The following UTRN variants were observed in gnomAD, a reference collection of about 807,000 sequenced individuals.
The protein encoded by UTRN is utrophin, also known as dystrophin-related protein 1.
UTRN carries 283 observed loss-of-function variants against 463.9 expected under a neutral mutation model. The observed-to-expected ratio is 0.61, with a 90% CI of 0.55 to 0.67. The LOEUF (loss-of-function observed/expected upper bound fraction) is 0.67, where lower values mean the gene tolerates loss of function less well. Ranked by LOEUF, UTRN falls within the 30% of genes least tolerant of loss-of-function variation. UTRN has a pLI of 0.00. For synonymous variants in UTRN, 1,442 were observed against 1,431.5 expected (o/e 1.01, Z -0.17); for missense variants, 3,922 against 4,084.3 (o/e 0.96, Z 1.08).
At chr6:144,512,999 A>G (rs915800553) in intron 35 of UTRN, among the ~76,000 whole-genome samples, 1 of 152,112 alleles carries the variant, frequency 6.6e-6, no homozygotes, top group Non-Finnish European at 1.5e-5. Context: ...TTTTGGTCAC[A>G]CTCTAACTTC....
rs867327370 is a variant in UTRN, at chr6:144,522,149, C to T, written c.5711C>T (p.Ser1904Phe). The T allele has an allele frequency of 1.9e-6, 3 of 1,540,296 alleles. No homozygotes were observed. The highest frequency in any genetic ancestry group is 1.7e-6 in the Non-Finnish European group (2 of 1,144,234). The change falls in exon 40 of 75, where the codon TCT becomes TTT. Residue 1904 changes from serine to phenylalanine, a missense_variant. By Grantham distance (155) the Ser-to-Phe change is radical. Transcript: ENST00000367545. The stretch of plus-strand genomic sequence containing the variant: ...AACACTGCTATTTACGAAGACTTCT[C>T]TTTTCAGGAAGACTCTCTGAAGGTA... ...ELNTAIYEDF[S>F]FQEDSLKNIK... is the part of the protein sequence containing the mutation.
At chr6:144,556,829 G>A (rs896703782) in intron 49 of UTRN, among the ~76,000 whole-genome samples, 3 of 152,196 alleles carry the variant, frequency 2.0e-5, no homozygotes, top group Non-Finnish European at 4.4e-5. Context: ...CCTTTATGAC[G>A]CATGTCCGTG....
intron 51 of UTRN, among the ~76,000 whole-genome samples, chr6:144,589,785 G>C (rs1485915028): frequency 6.6e-6 from 1 of 151,996 alleles, no homozygotes; most frequent in Non-Finnish European, 1.5e-5. Flanking sequence ...GAAATCATCT[G>C]ATTCAACCAT....
At chr6:144,508,361 C>A (rs1309780172) in intron 34 of UTRN, among the ~76,000 whole-genome samples, 1 of 152,148 alleles carries the variant, frequency 6.6e-6, no homozygotes, top group Non-Finnish European at 1.5e-5. Context: ...GTGCTTGAAA[C>A]CCAGGGCCCT....
At position 144,285,391 on chromosome 6, in the gene UTRN, C is replaced by T. The variant is rs896864950; in HGVS notation, c.-523C>T. 6.6e-6 allele frequency among the ~76,000 whole-genome samples: 1 copy of T among 152,136 alleles called. No homozygotes were observed. The highest frequency in any genetic ancestry group is 1.5e-5 in the Non-Finnish European group (1 of 67,996). ...GCAGCCGGCCGCGGGCTTTCTCCCG[C>T]CGAGGGGCGAGGAGGAGCCTCTGGC... On this transcript the variant is annotated 5_prime_UTR_variant, in exon 1 of 75. Transcript: ENST00000367545.
At chr6:144,822,695 A>T (rs969974320) in intron 66 of UTRN, among the ~76,000 whole-genome samples, 1 of 152,118 alleles carries the variant, frequency 6.6e-6, no homozygotes, top group East Asian at 1.9e-4. Context: ...AGGTTGTGTG[A>T]TAATAGATTC....
chr6:144,835,647 C>A, intron 69 of UTRN, 133 bp from the exon 70 acceptor site: 1 of 1,135,264 alleles, frequency 8.8e-7, no homozygotes, highest in Non-Finnish European at 1.3e-6. Context: ...AAAGGGAGGT[C>A]ATGGAGACAC....
At chr6:144,529,438 G>C (rs958021559) in intron 41 of UTRN, among the ~76,000 whole-genome samples, 2 of 152,190 alleles carry the variant, frequency 1.3e-5, no homozygotes, top group Non-Finnish European at 2.9e-5. Flanking sequence ...CTGAGTGGGA[G>C]CTGCAAGTTA....
Position 144,537,711 on chromosome 6 carries a change from AT to A in UTRN, c.6365del (p.Leu2122Ter), listed in dbSNP as rs1332937155. 1 of 1,609,846 alleles carries A rather than the reference AT, an allele frequency of 6.2e-7. No homozygotes were observed. The highest frequency in any genetic ancestry group is 1.3e-5 in the African/African-American group (1 of 74,624). On this transcript the variant is annotated frameshift_variant, in exon 44 of 75. Transcript: ENST00000367545. LOFTEE classifies it high-confidence loss of function. The stretch of plus-strand genomic sequence containing the variant: ...CCGAATTGGGAGAAAACCTGCAAGA[AT>A]TAAGAGTAAGTTGTTTATTTCTGTC... ...TTELGENLQE[L>X]RDLTQEMEVH...
intron 51 of UTRN, among the ~76,000 whole-genome samples, chr6:144,649,762 AT>A (rs1391552404): frequency 1.3e-5 from 2 of 152,104 alleles, no homozygotes; most frequent in Admixed American, 6.6e-5. Context: ...TGTCATATTT[AT>A]TTTTTATTTT....
Position 144,459,348 on chromosome 6 carries a change from G to C in UTRN, c.2701G>C (p.Glu901Gln), listed in dbSNP as rs751021765. The C allele has an allele frequency of 5.0e-6, 8 of 1,592,310 alleles. No homozygotes were observed. In the South Asian group the frequency reaches 5.7e-5, roughly 11 times the overall value. Residue 901 changes from glutamate (E) to glutamine (Q), a missense_variant, in exon 21 of 75, where the codon GAG (glutamate) becomes CAG (glutamine). By Grantham distance (29) the Glu-to-Gln change is conservative. Transcript: ENST00000367545. Reference sequence around the variant, plus strand: ...TGTAGAGGATCGTCAACAACATCTAGAGAATGGTAAACCCAACAATTTTAA... The same window carrying C: ...TGTAGAGGATCGTCAACAACATCTACAGAATGGTAAACCCAACAATTTTAA... ...EAVEDRQQHL[E>Q]NELKGQPGHA... is the part of the protein sequence containing the mutation.
chr6:144,595,206 A>G (rs1000145844), intron 51 of UTRN, among the ~76,000 whole-genome samples: 3 of 152,238 alleles, frequency 2.0e-5, no homozygotes, highest in African/African-American at 7.2e-5. Flanking sequence ...TACATTCCAC[A>G]TATTTTAGAA....
chr6:144,324,662 A>G (rs1775866240), intron 2 of UTRN, among the ~76,000 whole-genome samples: 1 of 152,240 alleles, frequency 6.6e-6, no homozygotes, highest in African/African-American at 2.4e-5. Context: ...CTGTGTATAA[A>G]TTAAAGAGAG....
chr6:144,421,949 A>G lies in UTRN; in HGVS notation c.213A>G (p.Glu71=). The G allele has an allele frequency of 2.5e-6, 4 of 1,612,672 alleles. No individual in the cohort carries two copies. The highest frequency in any genetic ancestry group is 2.5e-6 in the Non-Finnish European group (3 of 1,179,306). Residue 71 remains glutamate, a synonymous_variant, in exon 4 of 75, where the codon GAA becomes GAG. Coordinates refer to ENST00000367545, the MANE Select transcript of UTRN (RefSeq NM_007124.3). ...GAAGGAAGCTATTGGATCTTCTAGA[A>G]GGCCTCACAGGAACATCACTGGTGA... The part of the protein sequence containing the change: ...KDGRKLLDLL[E]GLTGTSLPKE...
rs77673025 is a variant in UTRN, at chr6:144,791,822, T to G, written c.8921-2012T>G. Among the ~76,000 whole-genome samples, 674 of 152,304 alleles carry G rather than the reference T, an allele frequency of 4.4e-3. 23 individuals carry two copies. In the East Asian group the frequency reaches 0.096, roughly 22 times the overall value. On this transcript the variant is annotated intron_variant, in intron 62 of 74. Transcript: ENST00000367545. ...TTGTCCTTATGTTTTGTGAGTAGTT[T>G]TACTTTAATAGTGGCATAGTGGTAT...
At chr6:144,703,657 A>C (rs998208539) in intron 53 of UTRN, among the ~76,000 whole-genome samples, 2 of 152,210 alleles carry the variant, frequency 1.3e-5, no homozygotes, top group African/African-American at 2.4e-5. Flanking sequence ...CAAGGATCAA[A>C]TATTGCTGAG....
chr6:144,766,983 G>A (rs1793431196), intron 58 of UTRN, among the ~76,000 whole-genome samples: 1 of 152,078 alleles, frequency 6.6e-6, no homozygotes. Context: ...GGCAGTTGGA[G>A]GGAAGTTTCC....
At chr6:144,315,748 C>T (rs2114569720) in intron 2 of UTRN, among the ~76,000 whole-genome samples, 1 of 152,272 alleles carries the variant, frequency 6.6e-6, no homozygotes, top group East Asian at 1.9e-4. Context: ...TGGCCTCGTG[C>T]CTTTATGCAG....
chr6:144,754,604 A>T (rs1791780846), intron 56 of UTRN, 116 bp from the exon 57 acceptor site: 1 of 924,324 alleles, frequency 1.1e-6, no homozygotes, highest in East Asian at 2.6e-5. Context: ...GTCTATATAA[A>T]CAATCATATC....
Sources: allele counts gnomAD v4.1 joint callset (sites outside exome capture counted in the v4.1 genomes callset), GRCh38; gene constraint gnomAD v4.1.1; transcripts MANE v1.5; gene names NCBI Gene and HGNC (gene_info 2026-07-23, HGNC 2026-07-21).